Variants in TMEM41B observed in about 807,000 individuals in gnomAD.
TMEM41B encodes the protein protein stasimon.
TMEM41B carries 18 observed loss-of-function variants against 31.9 expected under a neutral mutation model. The ratio of observed to expected loss-of-function variants is 0.56; its 90% CI spans 0.39 to 0.84. The LOEUF (loss-of-function observed/expected upper bound fraction) is 0.84, where lower values mean the gene tolerates loss of function less well. Among genes scored for constraint, TMEM41B ranks in the 40% least tolerant of loss-of-function variants. The probability of loss-of-function intolerance (pLI) is 0.00; values close to 1 mark genes in which losing one functional copy is unlikely to be tolerated. For synonymous variants in TMEM41B, 144 were observed against 124.3 expected (o/e 1.16, Z -1.05); for missense variants, 322 against 348.0 (o/e 0.93, Z 0.59).
chr11:9,307,657 G>C (rs1853433865), intron 1 of TMEM41B, among the ~76,000 whole-genome samples: 1 of 151,754 alleles, frequency 6.6e-6, no homozygotes, highest in African/African-American at 2.4e-5. Flanking sequence ...GGTCAGGCTG[G>C]TCTCAGACTC....
chr11:9,285,691 C>T (rs1399642852), intron 6 of TMEM41B, among the ~76,000 whole-genome samples: 1 of 151,656 alleles, frequency 6.6e-6, no homozygotes, highest in African/African-American at 2.4e-5. Context: ...TGATAACATC[C>T]GCGATAAAAG....
chr11:9,282,825 TCAGGAGGCTGAGA>T lies in TMEM41B; in HGVS notation c.*586_*598del, dbSNP rs1852749659. ...GGCGGGCGCCTGTAGTCCCAGCTAC[TCAGGAGGCTGAGA>T]CAGGAGAATGGCGTGAACCCAGGAG... On this transcript the variant is annotated 3_prime_UTR_variant, in exon 7 of 7. Transcript: ENST00000528080. 6.6e-6 allele frequency: 1 copy of T among 151,600 alleles called. No homozygotes were observed. Among genetic ancestry groups the T allele is most frequent in the Non-Finnish European group, 1.5e-5 (1 of 68,042 alleles). 9.4% of individuals were successfully genotyped at this position (151,600 alleles called of 1,614,324 possible).
rs1372682533 is a variant in TMEM41B at position 9,314,049 on chromosome 11, C to T, written c.121+272G>A. 2.0e-5 allele frequency among the ~76,000 whole-genome samples: 3 copies of T among 152,220 alleles called. No homozygotes were observed. In the East Asian group the frequency reaches 5.8e-4, roughly 29 times the overall value. ...CTCTGCCTAGCGTCGTTATCATCAA[C>T]CTTACAATCTACCTGAGCGTCAACA... On this transcript the variant is annotated intron_variant, in intron 1 of 6. Transcript: ENST00000528080.
intron 6 of TMEM41B, among the ~76,000 whole-genome samples, chr11:9,286,007 T>A (rs904158852): frequency 6.6e-6 from 1 of 151,926 alleles, no homozygotes; most frequent in Non-Finnish European, 1.5e-5. Context: ...ACCAGCTCCT[T>A]GGGAGGCTGA....
chr11:9,294,255 G>A (rs868097552), intron 3 of TMEM41B, among the ~76,000 whole-genome samples: 7 of 150,208 alleles, frequency 4.7e-5, no homozygotes, highest in Non-Finnish European at 1.0e-4. Flanking sequence ...AGCACTTTGG[G>A]AGGCTGAGAT....
intron 6 of TMEM41B, among the ~76,000 whole-genome samples, chr11:9,285,912 C>T (rs1357307130): frequency 2.0e-5 from 3 of 151,828 alleles, no homozygotes; most frequent in African/African-American, 7.3e-5. Context: ...GACAGGAATT[C>T]GAGACCAGCC....
intron 3 of TMEM41B, among the ~76,000 whole-genome samples, chr11:9,291,442 G>T (rs561467771): frequency 2.0e-5 from 3 of 151,152 alleles, no homozygotes; most frequent in Non-Finnish European, 4.4e-5. Context: ...TCGCTCTGTC[G>T]CCAGGCTGGA....
chr11:9,290,235 G>A (rs911422590), intron 3 of TMEM41B, among the ~76,000 whole-genome samples: 1 of 152,054 alleles, frequency 6.6e-6, no homozygotes, highest in Non-Finnish European at 1.5e-5. Flanking sequence ...AAACTAGCCG[G>A]GCGTGGTGGT....
intron 1 of TMEM41B, among the ~76,000 whole-genome samples, chr11:9,301,588 A>G (rs182553543): frequency 6.6e-6 from 1 of 152,204 alleles, no homozygotes; most frequent in East Asian, 1.9e-4. Flanking sequence ...TCTTGAATTA[A>G]CACCCTTCCC....
rs570270885 is a variant in TMEM41B, at chr11:9,283,241, A to G, written c.*183T>C. 23 of 538,068 alleles carry G rather than the reference A, an allele frequency of 4.3e-5. No individual in the cohort carries two copies. Among genetic ancestry groups the G allele is most frequent in the African/African-American group, 3.7e-4 (19 of 51,666 alleles). 33.3% of individuals were successfully genotyped at this position (538,068 alleles called of 1,614,324 possible). On this transcript the variant is annotated 3_prime_UTR_variant, in exon 7 of 7. Transcript: ENST00000528080. ...TGATAGCACTTTTCACAGTATACCA[A>G]TTTCCATTTTTACTTTCTTCTCCCC...
rs1852715606 is a variant in TMEM41B at position 9,281,390 on chromosome 11, A to T, written c.*2034T>A. 1 of 152,232 alleles carries T rather than the reference A, an allele frequency of 6.6e-6. No homozygotes were observed. The highest frequency in any genetic ancestry group is 6.5e-5 in the Admixed American group (1 of 15,284). 9.4% of individuals were successfully genotyped at this position (152,232 alleles called of 1,614,324 possible). ...GCAAAAGGCCAGGTGACATAAGAAT[A>T]CTACAATAATCAATATGTTTTCTTT... On this transcript the variant is annotated 3_prime_UTR_variant, in exon 7 of 7. Coordinates refer to ENST00000528080, the MANE Select transcript of TMEM41B (RefSeq NM_015012.4).
rs758340641 is a variant in TMEM41B, at chr11:9,283,397, G to A, written c.*27C>T. On this transcript the variant is annotated 3_prime_UTR_variant, in exon 7 of 7. Transcript: ENST00000528080. ...TGTTAATCCTGAGATGGTGATGACA[G>A]CAAAACTAAAAATCAGATGATTATT... 1.9e-6 allele frequency: 3 copies of A among 1,581,380 alleles called. No homozygotes were observed. Among genetic ancestry groups the A allele is most frequent in the Non-Finnish European group, 2.6e-6 (3 of 1,161,282 alleles).
In TMEM41B at chr11:9,314,322, C is replaced by T; in HGVS notation, c.120G>A (p.Lys40=). 1 of 1,599,842 alleles carries T rather than the reference C, an allele frequency of 6.3e-7. No individual in the cohort carries two copies. The highest frequency in any genetic ancestry group is 1.1e-5 in the South Asian group (1 of 89,916). Residue 40 remains lysine, a splice_region_variant and synonymous_variant, in exon 1 of 7, where the codon AAG becomes AAA. Transcript: ENST00000528080. The part of the protein sequence containing the change: ...LAAPGSRDHQ[K]EKSWVEAGSA... ...GCTCTGCTCCCCGGGCCCACTCACC[C>T]TTCTGGTGGTCTCTGCTGCCAGGCG...
chr11:9,303,816 C>T (rs778871554), intron 1 of TMEM41B, among the ~76,000 whole-genome samples: 2 of 151,746 alleles, frequency 1.3e-5, no homozygotes, highest in African/African-American at 2.4e-5. Context: ...TACAGGCACA[C>T]GCCACGAGGA....
rs1027066439 is a variant in TMEM41B at position 9,282,603 on chromosome 11, A to G, written c.*821T>C. Reference sequence around the variant, plus strand: ...TCCTTTCCATATTCAGTCGTCTACTAACATGCCATCTCCAAACAAATCCAT... The same window carrying G: ...TCCTTTCCATATTCAGTCGTCTACTGACATGCCATCTCCAAACAAATCCAT... On this transcript the variant is annotated 3_prime_UTR_variant, in exon 7 of 7. Transcript: ENST00000528080. 1 of 152,290 alleles carries G rather than the reference A, an allele frequency of 6.6e-6. No individual in the cohort carries two copies. Among genetic ancestry groups the G allele is most frequent in the South Asian group, 2.1e-4 (1 of 4,836 alleles). 9.4% of individuals were successfully genotyped at this position (152,290 alleles called of 1,614,324 possible). A position where few individuals can be genotyped will look rare whatever the true frequency, so the allele number is the denominator to read the frequency against.
chr11:9,295,417 C>A (rs753407186), intron 2 of TMEM41B, 30 bp from the exon 3 acceptor site: 60 of 1,372,766 alleles, frequency 4.4e-5, no homozygotes, highest in Non-Finnish European at 5.6e-5. Context: ...AATTTTAGAA[C>A]AGAATTTTGC....
chr11:9,308,623 C>A (rs574763094), intron 1 of TMEM41B, among the ~76,000 whole-genome samples: 41 of 152,290 alleles, frequency 2.7e-4, no homozygotes, highest in African/African-American at 9.9e-4. Context: ...AATGGTTTAG[C>A]ACAAATACAG....
At chr11:9,306,927 C>T (rs1350517060) in intron 1 of TMEM41B, among the ~76,000 whole-genome samples, 1 of 152,168 alleles carries the variant, frequency 6.6e-6, no homozygotes, top group Non-Finnish European at 1.5e-5. Flanking sequence ...AAATTATCTT[C>T]CCTTGCTCCT....
At chr11:9,311,262 G>T in intron 1 of TMEM41B, 10 of 1,502,302 alleles carry the variant, frequency 6.7e-6, no homozygotes, top group Non-Finnish European at 9.0e-6. Flanking sequence ...CTTGAGGGAA[G>T]GACCCAGGGC....
Sources: gnomAD v4.1 joint callset for allele counts (sites outside exome capture counted in the v4.1 genomes callset) on GRCh38, gnomAD v4.1.1 for gene constraint, MANE v1.5 for transcripts, NCBI Gene and HGNC (gene_info 2026-07-23, HGNC 2026-07-21) for gene names.